Variants in OPN4 observed in about 807,000 individuals in gnomAD.
The protein encoded by OPN4 is opsin 4, also known as melanopsin.
Under a neutral mutation model 49.5 loss-of-function variants are expected in OPN4, and 43 were observed. The observed-to-expected ratio is 0.87, with a 90% CI of 0.68 to 1.12. The LOEUF is 1.12. Among genes scored for constraint, OPN4 ranks in the 50% most tolerant of loss-of-function variants. OPN4 has a pLI of 0.00. For missense variants in OPN4, 657 were observed against 643.9 expected, an observed-to-expected ratio of 1.02 and a Z score of -0.22; for synonymous variants, 263 against 258.0, an observed-to-expected ratio of 1.02 and a Z score of -0.19.
At chr10:86,658,807 G>A (rs1843933259) in intron 4 of OPN4, 120 bp downstream of exon 4, 2 of 970,866 alleles carry the variant, frequency 2.1e-6, no homozygotes, top group African/African-American at 3.2e-5. Flanking sequence ...AGCTACCTGA[G>A]CCTCAGGTGA....
Position 86,654,629 on chromosome 10 carries a change from C to T in OPN4, c.-155C>T. The T allele has an allele frequency of 9.5e-7, 1 of 1,054,280 alleles. No homozygotes were observed. Among genetic ancestry groups the T allele is most frequent in the Admixed American group, 2.4e-5 (1 of 41,082 alleles). The allele number at this position is 1,054,280 out of a possible 1,614,324, so 65.3% of individuals were successfully genotyped here. A position where few individuals can be genotyped will look rare whatever the true frequency, so the allele number is the denominator to read the frequency against. ...CGCCAGCCCCAAGAGCAGCTCCAGGCTGGATCTGCGCCGGACACAGGAGAA... is the reference window on the plus strand; with the variant it reads ...CGCCAGCCCCAAGAGCAGCTCCAGGTTGGATCTGCGCCGGACACAGGAGAA... On this transcript the variant is annotated 5_prime_UTR_variant, in exon 1 of 10. Coordinates refer to ENST00000241891, the MANE Select transcript of OPN4 (RefSeq NM_033282.4).
intron 9 of OPN4, among the ~76,000 whole-genome samples, chr10:86,664,450 C>A (rs1045692935): frequency 6.6e-6 from 1 of 152,152 alleles, no homozygotes; most frequent in Admixed American, 6.5e-5. Context: ...GCCTATGGAA[C>A]GGAATGTTGA....
chr10:86,663,653 C>A lies in OPN4; in HGVS notation c.1255-6C>A. The A allele has an allele frequency of 6.6e-7, 1 of 1,506,406 alleles. No homozygotes were observed. Among genetic ancestry groups the A allele is most frequent in the East Asian group, 2.4e-5 (1 of 41,758 alleles). The allele number at this position is 1,506,406 out of a possible 1,614,324, so 93.3% of individuals were successfully genotyped here. A position where few individuals can be genotyped will look rare whatever the true frequency, so the allele number is the denominator to read the frequency against. ...CACCTCACAGTCACTCTCTCACCTC[C>A]CTCAGGGCTGGACACACATGGAGGC... On this transcript the variant is annotated splice_polypyrimidine_tract_variant and splice_region_variant and intron_variant, in intron 8 of 9. Coordinates refer to ENST00000241891, the MANE Select transcript of OPN4 (RefSeq NM_033282.4).
intron 8 of OPN4, 29 bp downstream of exon 8, chr10:86,662,461 C>G (rs201798471): frequency 3.9e-6 from 6 of 1,534,010 alleles, no homozygotes; most frequent in Middle Eastern, 1.7e-4. Flanking sequence ...CACCAGCTTG[C>G]GCCTGGCCAT....
At position 86,662,242 on chromosome 10, in the gene OPN4, G is replaced by A. The variant is rs373528755; in HGVS notation, c.1074-10G>A. On this transcript the variant is annotated splice_polypyrimidine_tract_variant and intron_variant, in intron 7 of 9. Transcript: ENST00000241891. ...TCCCCTGGCCCTAATCAGATGTGCGGCCCCTGCAGGGTGGCCATTGCCCAG... is the reference window on the plus strand; with the variant it reads ...TCCCCTGGCCCTAATCAGATGTGCGACCCCTGCAGGGTGGCCATTGCCCAG... 4.1e-4 allele frequency: 662 copies of A among 1,606,790 alleles called. 1 individual carries two copies. Among genetic ancestry groups the A allele is most frequent in the Non-Finnish European group, 5.2e-4 (616 of 1,178,434 alleles).
At chr10:86,656,444 T>C in intron 2 of OPN4, 144 bp downstream of exon 2, 1 of 1,088,234 alleles carries the variant, frequency 9.2e-7, no homozygotes, top group East Asian at 2.5e-5. Context: ...ATGCCTTCGA[T>C]GATCTCAGGC....
At position 86,659,338 on chromosome 10, in the gene OPN4, G is replaced by T; in HGVS notation, c.670G>T (p.Asp224Tyr). 5 of 1,613,730 alleles carry T rather than the reference G, an allele frequency of 3.1e-6. No homozygotes were observed. The highest frequency in any genetic ancestry group is 4.2e-6 in the Non-Finnish European group (5 of 1,180,006). Residue 224 changes from aspartate (D) to tyrosine (Y), a missense_variant, in exon 5 of 10, where the codon GAC becomes TAC. Physicochemically the swap from Asp to Tyr is radical, Grantham distance 160 (BLOSUM62 -3). Coordinates refer to ENST00000241891, the MANE Select transcript of OPN4 (RefSeq NM_033282.4). ...PEGLLTSCSW[D>Y]YMSFTPAVRA... Reference sequence around the variant, plus strand: ...GGGGTTGCTGACATCCTGCTCCTGGGACTACATGAGCTTCACGCCGGCCGT... The same window carrying T: ...GGGGTTGCTGACATCCTGCTCCTGGTACTACATGAGCTTCACGCCGGCCGT...
rs149829099 is a variant in OPN4 at position 86,658,665 on chromosome 10, T to C, written c.606T>C (p.Ser202=). The C allele has an allele frequency of 4.5e-5, 72 of 1,612,650 alleles. 1 individual carries two copies. In the African/African-American group the frequency reaches 7.4e-4, roughly 16 times the overall value. ...LGVWLYALAW[S]LPPFFGWSAY... Reference sequence around the variant, plus strand: ...TTTGGCTCTATGCCCTGGCCTGGAGTCTGCCACCCTTCTTCGGCTGGAGTA... The same window carrying C: ...TTTGGCTCTATGCCCTGGCCTGGAGCCTGCCACCCTTCTTCGGCTGGAGTA... Residue 202 remains serine, a synonymous_variant, in exon 4 of 10, where the codon AGT becomes AGC. Coordinates refer to ENST00000241891, the MANE Select transcript of OPN4 (RefSeq NM_033282.4).
rs144044270 is a variant in OPN4 at position 86,666,213 on chromosome 10, G to T, written c.*462G>T. ...GCCGAGCACAGACCTCCCTTTGCAC[G>T]CTGGAACAGTTACTCACCTGTGGCT... On this transcript the variant is annotated 3_prime_UTR_variant, in exon 10 of 10. Transcript: ENST00000241891. The T allele has an allele frequency of 2.0e-5, 4 of 198,986 alleles. No individual in the cohort carries two copies. The highest frequency in any genetic ancestry group is 1.1e-4 in the Admixed American group (2 of 18,464). 12.3% of individuals were successfully genotyped at this position (198,986 alleles called of 1,614,324 possible).
At chr10:86,658,815 T>G (rs2132302508) in intron 4 of OPN4, 128 bp downstream of exon 4, 1 of 865,374 alleles carries the variant, frequency 1.2e-6, no homozygotes, top group East Asian at 2.6e-5. Flanking sequence ...GAGCCTCAGG[T>G]GAGATGGACA....
At chr10:86,655,119 T>A (rs1369395981) in intron 1 of OPN4, among the ~76,000 whole-genome samples, 192 bp downstream of exon 1, 2 of 152,166 alleles carry the variant, frequency 1.3e-5, no homozygotes, top group African/African-American at 2.4e-5. Flanking sequence ...GCAGGCAATG[T>A]CCTTCCTCAT....
chr10:86,663,928 C>A, intron 9 of OPN4, 126 bp downstream of exon 9: 1 of 1,080,336 alleles, frequency 9.3e-7, no homozygotes, highest in Non-Finnish European at 1.3e-6. Context: ...GAATCACCTG[C>A]TCCCAGCACC....
chr10:86,659,578 G>A (rs1843954689), intron 5 of OPN4, 110 bp downstream of exon 5: 1 of 1,422,948 alleles, frequency 7.0e-7, no homozygotes, highest in Admixed American at 2.4e-5. Context: ...ATGACCAGTG[G>A]GTGAAGGCAA....
At chr10:86,658,912 A>G (rs972427465) in intron 4 of OPN4, among the ~76,000 whole-genome samples, 1 of 151,956 alleles carries the variant, frequency 6.6e-6, no homozygotes, top group African/African-American at 2.4e-5. Context: ...CCCAAAATAC[A>G]AAGGCTTTCT....
Position 86,659,625 on chromosome 10 carries a change from G to T in OPN4, c.800+157G>T, listed in dbSNP as rs547627128. On this transcript the variant is annotated intron_variant, in intron 5 of 9. Coordinates refer to ENST00000241891, the MANE Select transcript of OPN4 (RefSeq NM_033282.4). ...GCTTATGGGGCAGCAGTGTCTAGGGGAGCCTCAGGAGACAAGGGCTTCTGG... is the reference window on the plus strand; with the variant it reads ...GCTTATGGGGCAGCAGTGTCTAGGGTAGCCTCAGGAGACAAGGGCTTCTGG... Among the ~76,000 whole-genome samples, 8 of 152,338 alleles carry T rather than the reference G, an allele frequency of 5.3e-5. No homozygotes were observed. The East Asian group carries it at 1.2e-3, about 22-fold the overall frequency.
At chr10:86,660,585 G>A (rs907989981) in intron 6 of OPN4, among the ~76,000 whole-genome samples, 3 of 152,162 alleles carry the variant, frequency 2.0e-5, no homozygotes, top group African/African-American at 4.8e-5. Flanking sequence ...GTCCCCCCAG[G>A]GCCCTACTGT....
rs775069298 is a variant in OPN4 at position 86,660,010 on chromosome 10, G to A, written c.916G>A (p.Val306Met). ...KIMLLVILLF[V>M]LSWAPYSAVA... ...CATGCTGCTGGTCATCCTCCTCTTCGTGCTCTCCTGGGCTCCCTATTCCGC... is the reference window on the plus strand; with the variant it reads ...CATGCTGCTGGTCATCCTCCTCTTCATGCTCTCCTGGGCTCCCTATTCCGC... Residue 306 changes from valine (V) to methionine (M), a missense_variant, in exon 6 of 10, where the codon GTG (valine) becomes ATG (methionine). Coordinates refer to ENST00000241891, the MANE Select transcript of OPN4 (RefSeq NM_033282.4). The A allele has an allele frequency of 1.4e-5, 22 of 1,614,098 alleles. No homozygotes were observed. In the East Asian group the frequency reaches 2.0e-4, roughly 15 times the overall value.
intron 3 of OPN4, 92 bp from the exon 4 acceptor site, chr10:86,658,392 C>T (rs1471945630): frequency 7.0e-7 from 1 of 1,422,576 alleles, no homozygotes; most frequent in East Asian, 2.4e-5. Context: ...TGCGCTCAGT[C>T]CTGCTCTTCC....
chr10:86,658,598 G>A lies in OPN4; in HGVS notation c.539G>A (p.Gly180Asp), dbSNP rs749471679. ...LVITRPLATF[G>D]VASKRRAAFV... ...ATCACACGCCCGCTGGCCACCTTTG[G>A]TGTGGCGTCCAAGAGGCGTGCGGCA... Residue 180 changes from glycine to aspartate, a missense_variant, in exon 4 of 10, where the codon GGT becomes GAT. Gly to Asp is a moderately conservative substitution (Grantham distance 94). Coordinates refer to ENST00000241891, the MANE Select transcript of OPN4 (RefSeq NM_033282.4). 15 of 1,614,094 alleles carry A rather than the reference G, an allele frequency of 9.3e-6. No individual in the cohort carries two copies. Among genetic ancestry groups the A allele is most frequent in the Admixed American group, 1.7e-5 (1 of 60,012 alleles).
Sources: allele counts gnomAD v4.1 joint callset (sites outside exome capture counted in the v4.1 genomes callset), GRCh38; gene constraint gnomAD v4.1.1; transcripts MANE v1.5; gene names NCBI Gene and HGNC (gene_info 2026-07-23, HGNC 2026-07-21).